HID1: variants seen among roughly 807,000 people sequenced by gnomAD.
HID1 encodes the protein HID1 domain containing.
A neutral mutation model predicts 89.7 loss-of-function variants in HID1; 42 were observed. The observed-to-expected ratio is 0.47, with a 90% CI of 0.37 to 0.61. The LOEUF is 0.61. Ranked by LOEUF, HID1 falls within the 20% of genes least tolerant of loss-of-function variation. The pLI, the probability that HID1 is intolerant of heterozygous loss-of-function variation, is 0.00. For synonymous variants in HID1, 442 were observed against 433.8 expected, an observed-to-expected ratio of 1.02 and a Z score of -0.24; for missense variants, 854 against 1,039.3, an observed-to-expected ratio of 0.82 and a Z score of 2.45.
intron 6 of HID1, 105 bp downstream of exon 6, chr17:74,961,768 G>A (rs1309530593): frequency 5.2e-6 from 3 of 577,226 alleles, no homozygotes; most frequent in South Asian, 3.8e-5. Flanking sequence ...ACCACCAGGG[G>A]GCAGCACCTC....
intron 1 of HID1, among the ~76,000 whole-genome samples, chr17:74,971,366 G>A (rs566597047): frequency 4.3e-4 from 65 of 152,350 alleles, no homozygotes; most frequent in African/African-American, 1.4e-3. Flanking sequence ...CCCAGGAGCC[G>A]TAGGGAATGG....
In HID1 at chr17:74,962,958, C is replaced by T. The variant is rs2039506084; in HGVS notation, c.504+7G>A. 2 of 1,596,980 alleles carry T rather than the reference C, an allele frequency of 1.3e-6. No individual in the cohort carries two copies. Among genetic ancestry groups the T allele is most frequent in the Non-Finnish European group, 1.7e-6 (2 of 1,166,448 alleles). On this transcript the variant is annotated splice_region_variant and intron_variant, in intron 4 of 18. Transcript: ENST00000425042. This position sits in a 1 kb window ranked among gnomAD's most constrained non-coding sequence, Gnocchi z 4.3. Reference sequence around the variant, plus strand: ...CGCCTGGGGGTGGGGGGCTGGGGGACACTCACCACAGTGCTCCTCCGGTGG... The same window carrying T: ...CGCCTGGGGGTGGGGGGCTGGGGGATACTCACCACAGTGCTCCTCCGGTGG...
rs59811819 is a variant in HID1 at position 74,953,125 on chromosome 17, G to A, written c.1972-39C>T. The A allele has an allele frequency of 3.0e-3, 4,485 of 1,509,150 alleles. 64 individuals carry two copies. Among genetic ancestry groups the A allele is most frequent in the East Asian group, 0.027 (1,146 of 42,094 alleles). 93.5% of individuals were successfully genotyped at this position (1,509,150 alleles called of 1,614,324 possible). ...AGGAACAGGGGTGAGGGATGGTGGC[G>A]GTGGGTGAGGGGTGGAGTGGGGGGC... On this transcript the variant is annotated intron_variant, in intron 15 of 18. Transcript: ENST00000425042.
intron 13 of HID1, 40 bp from the exon 14 acceptor site, chr17:74,954,405 T>C (rs763542421): frequency 3.0e-4 from 462 of 1,549,128 alleles, no homozygotes; most frequent in Middle Eastern, 1.9e-3. Context: ...GGAGGCCCCC[T>C]CCAGCTCCCC....
intron 1 of HID1, among the ~76,000 whole-genome samples, chr17:74,971,290 C>T (rs185393634): frequency 8.5e-5 from 13 of 152,346 alleles, no homozygotes; most frequent in Admixed American, 7.2e-4. Context: ...GGCTAGCCCA[C>T]TTGCCACCTT....
chr17:74,952,435 G>T, intron 16 of HID1, 75 bp from the exon 17 acceptor site: 1 of 1,060,562 alleles, frequency 9.4e-7, no homozygotes, highest in Non-Finnish European at 1.5e-6. Flanking sequence ...CCCTGACCCA[G>T]AACCACAGGC....
intron 14 of HID1, 49 bp downstream of exon 14, chr17:74,954,089 C>A: frequency 6.6e-7 from 1 of 1,511,810 alleles, no homozygotes; most frequent in East Asian, 2.4e-5. Flanking sequence ...ATGTCCCTCC[C>A]CCAGCCACAC....
rs1168784365 is a variant in HID1, at chr17:74,964,651, T to G, written c.67-19A>C. On this transcript the variant is annotated intron_variant, in intron 1 of 18. Transcript: ENST00000425042. ...CCACGGGCTGTGGGGGGACCAAGGG[T>G]CCAGAGTTACACAACTCCTGGCCAG... 1.9e-6 allele frequency: 3 copies of G among 1,606,590 alleles called. No individual in the cohort carries two copies. Among genetic ancestry groups the G allele is most frequent in the Non-Finnish European group, 2.5e-6 (3 of 1,177,220 alleles).
In HID1 at chr17:74,961,948, G is replaced by A; in HGVS notation, c.653C>T (p.Ala218Val). ...TTCCGGAGCTGGGGGCAGGTACATGGCCTCGGAGAAGCATGTCAGCAGCAG... is the reference window on the plus strand; with the variant it reads ...TTCCGGAGCTGGGGGCAGGTACATGACCTCGGAGAAGCATGTCAGCAGCAG... Reference protein sequence around the residue: ...LKLLLTCFSEAMYLPPAPESG... With the variant: ...LKLLLTCFSEVMYLPPAPESG... Residue 218 changes from alanine (A) to valine (V), a missense_variant, in exon 6 of 19, where the codon GCC becomes GTC. Coordinates refer to ENST00000425042, the MANE Select transcript of HID1 (RefSeq NM_030630.3). The A allele has an allele frequency of 2.5e-6, 4 of 1,602,062 alleles. No individual in the cohort carries two copies. The highest frequency in any genetic ancestry group is 2.6e-6 in the Non-Finnish European group (3 of 1,174,376).
intron 12 of HID1, among the ~76,000 whole-genome samples, chr17:74,957,610 T>A (rs562958075): frequency 2.4e-3 from 334 of 137,696 alleles, no homozygotes; most frequent in African/African-American, 5.1e-3. Context: ...TTTTTTTTTT[T>A]AAAAAAAGGC....
chr17:74,952,255 G>A lies in HID1; in HGVS notation c.2144+14C>T, dbSNP rs201984464. The A allele has an allele frequency of 4.9e-5, 78 of 1,600,422 alleles. No individual in the cohort carries two copies. In the East Asian group the frequency reaches 1.5e-3, roughly 30 times the overall value. ...CCCGCCCACAACCCCCGGCCCTGCC[G>A]GCGCCCGACTCACTTGTCAATGCAG... On this transcript the variant is annotated intron_variant, in intron 17 of 18. Coordinates refer to ENST00000425042, the MANE Select transcript of HID1 (RefSeq NM_030630.3).
chr17:74,958,808 G>A lies in HID1; in HGVS notation c.1150-45C>T. Reference sequence around the variant, plus strand: ...CCAAGTGGGCTGAGTTCAAGGGAGGGGCAGCTCTGCCCCACCCCCCTCAGT... The same window carrying A: ...CCAAGTGGGCTGAGTTCAAGGGAGGAGCAGCTCTGCCCCACCCCCCTCAGT... On this transcript the variant is annotated intron_variant, in intron 9 of 18. Transcript: ENST00000425042. This position sits in a 1 kb window ranked among gnomAD's most constrained non-coding sequence, Gnocchi z 5.2. 6.2e-7 allele frequency: 1 copy of A among 1,602,280 alleles called. No individual in the cohort carries two copies. Among genetic ancestry groups the A allele is most frequent in the Non-Finnish European group, 8.5e-7 (1 of 1,172,464 alleles).
chr17:74,960,324 G>A, intron 6 of HID1, 76 bp from the exon 7 acceptor site: 2 of 1,288,398 alleles, frequency 1.6e-6, no homozygotes, highest in Non-Finnish European at 2.1e-6. Context: ...CTGGCCACGT[G>A]GGAAGGTCAG....
At chr17:74,951,702 G>A in intron 18 of HID1, 69 bp from the exon 19 acceptor site, 1 of 1,516,848 alleles carries the variant, frequency 6.6e-7, no homozygotes, top group Non-Finnish European at 9.0e-7. Context: ...GAGGAGCTGG[G>A]CAGCAGGAAT....
intron 1 of HID1, among the ~76,000 whole-genome samples, chr17:74,969,994 G>A (rs1166088395): frequency 1.5e-5 from 2 of 130,186 alleles, no homozygotes; most frequent in East Asian, 2.4e-4. Flanking sequence ...TCAGCTCACC[G>A]CAACCTCTGC....
chr17:74,955,747 C>A (rs750165586), intron 13 of HID1, 45 bp downstream of exon 13: 1 of 1,590,524 alleles, frequency 6.3e-7, no homozygotes, highest in Non-Finnish European at 8.6e-7. Flanking sequence ...AGGAAGTAGG[C>A]CCGCTGGCCA....
At chr17:74,951,796 T>G in intron 18 of HID1, 109 bp downstream of exon 18, 1 of 1,386,370 alleles carries the variant, frequency 7.2e-7, no homozygotes, top group Non-Finnish European at 9.7e-7. Flanking sequence ...CTTAGTTGAC[T>G]GTCTTGACAT....
At chr17:74,955,745 G>A in intron 13 of HID1, 47 bp downstream of exon 13, 1 of 1,584,816 alleles carries the variant, frequency 6.3e-7, no homozygotes, top group Non-Finnish European at 8.6e-7. Flanking sequence ...GTAGGAAGTA[G>A]GCCCGCTGGC....
intron 3 of HID1, chr17:74,963,333 C>T (rs2039513456): frequency 7.7e-6 from 4 of 520,110 alleles, no homozygotes; most frequent in Non-Finnish European, 1.4e-5. Flanking sequence ...GTGACCCCAA[C>T]ATCAAGAGTC....
Sources: gnomAD v4.1 joint callset for allele counts (sites outside exome capture counted in the v4.1 genomes callset) on GRCh38, gnomAD v4.1.1 for gene constraint, Gnocchi (gnomAD v3.1) non-coding constraint, MANE v1.5 for transcripts, NCBI Gene and HGNC (gene_info 2026-07-23, HGNC 2026-07-21) for gene names.